TACR3: variants seen among roughly 807,000 people sequenced by gnomAD.
TACR3 encodes tachykinin receptor 3, also known as neuromedin-K receptor.
A neutral mutation model predicts 35.0 loss-of-function variants in TACR3; 34 were observed. That is an observed-to-expected ratio of 0.97 (90% CI 0.74 to 1.30). TACR3 has a LOEUF of 1.30. TACR3 is among the 50% of genes most tolerant of loss of function. TACR3 has a pLI of 0.00. For synonymous variants in TACR3, 233 were observed against 221.1 expected (o/e 1.05, Z -0.48); for missense variants, 558 against 591.7 (o/e 0.94, Z 0.59).
intron 1 of TACR3, among the ~76,000 whole-genome samples, chr4:103,665,649 T>G (rs969155885): frequency 3.3e-5 from 5 of 152,150 alleles, no homozygotes; most frequent in South Asian, 2.1e-4. Flanking sequence ...ATTACTCAAG[T>G]AGTCACAAAA....
chr4:103,609,983 C>T (rs547573847), intron 3 of TACR3, among the ~76,000 whole-genome samples: 1 of 151,860 alleles, frequency 6.6e-6, no homozygotes, highest in South Asian at 2.1e-4. Flanking sequence ...CATTGTATTG[C>T]GTATATAACC....
rs545048092 is a variant in TACR3 at position 103,650,145 on chromosome 4, C to T, written c.888+6049G>A. Among the ~76,000 whole-genome samples the T allele has an allele frequency of 1.1e-4, 17 of 152,056 alleles. 1 individual carries two copies. The South Asian group carries it at 2.5e-3, about 22-fold the overall frequency. On this transcript the variant is annotated intron_variant, in intron 3 of 4. Coordinates refer to ENST00000304883, the MANE Select transcript of TACR3 (RefSeq NM_001059.3). ...GATCCAGAGGAATTCTCTGGATTTC[C>T]AGACAGAGGCTCTTGTTCTCTTCCT...
At chr4:103,649,173 A>G (rs1396052019) in intron 3 of TACR3, among the ~76,000 whole-genome samples, 1 of 152,022 alleles carries the variant, frequency 6.6e-6, no homozygotes, top group Non-Finnish European at 1.5e-5. Flanking sequence ...TTACTGATAT[A>G]TTCTGGTTAT....
rs1467883349 is a variant in TACR3 at position 103,656,484 on chromosome 4, C to A, written c.738-140G>T. On this transcript the variant is annotated intron_variant, in intron 2 of 4. Coordinates refer to ENST00000304883, the MANE Select transcript of TACR3 (RefSeq NM_001059.3). Reference sequence around the variant, plus strand: ...TCTCTATACATTCATCTCAAAATTCCATCAAAATATCATGCTATTGTCACT... The same window carrying A: ...TCTCTATACATTCATCTCAAAATTCAATCAAAATATCATGCTATTGTCACT... The A allele has an allele frequency of 6.2e-6, 5 of 802,912 alleles. No individual in the cohort carries two copies. In the East Asian group the frequency reaches 1.1e-4, roughly 18 times the overall value. The allele number at this position is 802,912 out of a possible 1,614,324, so 49.7% of individuals were successfully genotyped here.
chr4:103,599,257 T>C (rs1344876075), intron 3 of TACR3, among the ~76,000 whole-genome samples: 1 of 152,166 alleles, frequency 6.6e-6, no homozygotes, highest in Admixed American at 6.6e-5. Flanking sequence ...TCTCTGTTTG[T>C]CTGTTATTGG....
At chr4:103,706,374 A>C (rs1722789989) in intron 1 of TACR3, among the ~76,000 whole-genome samples, 1 of 152,174 alleles carries the variant, frequency 6.6e-6, no homozygotes, top group Non-Finnish European at 1.5e-5. Flanking sequence ...AATTGAACTA[A>C]ATTTTATAGA....
At chr4:103,651,140 G>A (rs1411607188) in intron 3 of TACR3, among the ~76,000 whole-genome samples, 1 of 149,498 alleles carries the variant, frequency 6.7e-6, no homozygotes, top group Non-Finnish European at 1.5e-5. Context: ...TTCCCTTCAG[G>A]GTGGTAAGTT....
rs3839189 is a variant in TACR3 at position 103,616,302 on chromosome 4, A to ATGTGTGTGTGTG, written c.889-24631_889-24620dup. Among the ~76,000 whole-genome samples, 768 of 151,240 alleles carry ATGTGTGTGTGTG rather than the reference A, an allele frequency of 5.1e-3. 8 individuals carry two copies. The highest frequency in any genetic ancestry group is 0.017 in the African/African-American group (698 of 41,174). On this transcript the variant is annotated intron_variant, in intron 3 of 4. Transcript: ENST00000304883. Reference sequence around the variant, plus strand: ...CAATAATGGCAGAGTACATACGTGTATGTGTGTGTGTGTGTGTTTGTGTAT... The same window carrying ATGTGTGTGTGTG: ...CAATAATGGCAGAGTACATACGTGTATGTGTGTGTGTGTGTGTGTGTGTGTGTGTTTGTGTAT...
intron 1 of TACR3, among the ~76,000 whole-genome samples, chr4:103,699,272 T>C (rs1452891313): frequency 3.9e-5 from 6 of 152,186 alleles, no homozygotes; most frequent in Non-Finnish European, 5.9e-5. Flanking sequence ...GGAGGAAGAA[T>C]ATTTTCTACA....
chr4:103,668,920 T>C (rs7691200), intron 1 of TACR3, among the ~76,000 whole-genome samples: 7,302 of 152,024 alleles, frequency 0.048, 470 homozygotes, highest in African/African-American at 0.14. Flanking sequence ...TGATGTGTAA[T>C]GATCTGATCA....
intron 3 of TACR3, among the ~76,000 whole-genome samples, chr4:103,623,395 T>G (rs556058440): frequency 6.6e-6 from 1 of 152,280 alleles, no homozygotes; most frequent in Non-Finnish European, 1.5e-5. Context: ...TTTTTTTTAA[T>G]TAACAACTTC....
At chr4:103,659,433 G>A (rs116354618) in intron 1 of TACR3, among the ~76,000 whole-genome samples, 153 of 152,138 alleles carry the variant, frequency 1.0e-3, no homozygotes, top group Non-Finnish European at 1.8e-3. Flanking sequence ...AAATAATATG[G>A]ATTATACCAC....
chr4:103,651,966 G>A lies in TACR3; in HGVS notation c.888+4228C>T, dbSNP rs571064920. Among the ~76,000 whole-genome samples the A allele has an allele frequency of 2.6e-5, 4 of 152,160 alleles. No individual in the cohort carries two copies. The East Asian group carries it at 7.8e-4, about 30-fold the overall frequency. On this transcript the variant is annotated intron_variant, in intron 3 of 4. Coordinates refer to ENST00000304883, the MANE Select transcript of TACR3 (RefSeq NM_001059.3). ...TTGTGGCTGAGCTAGTATCCAAGAT[G>A]CAAAACAGTCTTCTTTACTCTTTCC...
Position 103,719,719 on chromosome 4 carries a change from C to T in TACR3, c.-44G>A. 1 of 1,600,370 alleles carries T rather than the reference C, an allele frequency of 6.2e-7. No individual in the cohort carries two copies. The highest frequency in any genetic ancestry group is 8.5e-7 in the Non-Finnish European group (1 of 1,178,990). On this transcript the variant is annotated 5_prime_UTR_variant, in exon 1 of 5. Coordinates refer to ENST00000304883, the MANE Select transcript of TACR3 (RefSeq NM_001059.3). The stretch of plus-strand genomic sequence containing the variant: ...CCGGACCCTCCCACTCACCCACGGG[C>T]AGCCCAAGACGAGACTCCTCTGAAG...
At chr4:103,590,258 T>C (rs1015935725) in intron 4 of TACR3, among the ~76,000 whole-genome samples, 10 of 152,160 alleles carry the variant, frequency 6.6e-5, no homozygotes, top group African/African-American at 2.2e-4. Flanking sequence ...AAGTCATCAA[T>C]AGCGAATGCA....
chr4:103,703,414 C>G (rs1250530387), intron 1 of TACR3, among the ~76,000 whole-genome samples: 6 of 151,958 alleles, frequency 3.9e-5, no homozygotes, highest in Admixed American at 3.3e-4. Flanking sequence ...AAAAAGAAAA[C>G]TATAAAAGAA....
intron 1 of TACR3, among the ~76,000 whole-genome samples, chr4:103,714,600 A>G (rs974069440): frequency 2.6e-5 from 4 of 152,158 alleles, no homozygotes; most frequent in African/African-American, 9.6e-5. Flanking sequence ...ATCTTAGGCT[A>G]AAAAGTTCAT....
rs1359069507 is a variant in TACR3, at chr4:103,719,462, C to T, written c.214G>A (p.Ala72Thr). 5 of 1,613,968 alleles carry T rather than the reference C, an allele frequency of 3.1e-6. No individual in the cohort carries two copies. The highest frequency in any genetic ancestry group is 1.1e-5 in the South Asian group (1 of 91,084). ...VASPAPSQPW[A>T]NLTNQFVQPS... ...TGCACGAACTGGTTGGTGAGGTTGGCCCAGGGCTGGGAGGGCGCGGGGGAA... is the reference window on the plus strand; with the variant it reads ...TGCACGAACTGGTTGGTGAGGTTGGTCCAGGGCTGGGAGGGCGCGGGGGAA... The change falls in exon 1 of 5, where the codon GCC (alanine) becomes ACC (threonine). Residue 72 changes from alanine (A) to threonine (T), a missense_variant. Physicochemically the swap from Ala to Thr is moderately conservative, Grantham distance 58. Coordinates refer to ENST00000304883, the MANE Select transcript of TACR3 (RefSeq NM_001059.3).
At chr4:103,680,676 C>A (rs1722042937) in intron 1 of TACR3, among the ~76,000 whole-genome samples, 2 of 151,500 alleles carry the variant, frequency 1.3e-5, no homozygotes, top group South Asian at 2.1e-4. Flanking sequence ...GTACAGAAGG[C>A]TACTTTTTCA....
Sources: gnomAD v4.1 joint callset for allele counts (sites outside exome capture counted in the v4.1 genomes callset) on GRCh38, gnomAD v4.1.1 for gene constraint, MANE v1.5 for transcripts, NCBI Gene and HGNC (gene_info 2026-07-23, HGNC 2026-07-21) for gene names.